The following NUP210 variants were observed in gnomAD, a reference collection of about 807,000 sequenced individuals.
The protein encoded by NUP210 is nucleoporin 210.
A neutral mutation model predicts 196.0 loss-of-function variants in NUP210; 151 were observed. The ratio of observed to expected loss-of-function variants is 0.77; its 90% CI spans 0.67 to 0.88. The LOEUF is 0.88. NUP210 is among the 40% of genes least tolerant of loss of function. The pLI is 0.00. For synonymous variants in NUP210, 1,070 were observed against 1,052.7 expected (o/e 1.02, Z -0.32); for missense variants, 2,314 against 2,493.7 (o/e 0.93, Z 1.53).
rs745356214 is a variant in NUP210, at chr3:13,321,726, G to A, written c.5025C>T (p.His1675=). 3 of 1,614,134 alleles carry A rather than the reference G, an allele frequency of 1.9e-6. No homozygotes were observed. Among genetic ancestry groups the A allele is most frequent in the Admixed American group, 3.3e-5 (2 of 60,036 alleles). Residue 1675 remains histidine, a synonymous_variant, in exon 36 of 40, where the codon CAC becomes CAT. Transcript: ENST00000254508. The part of the protein sequence containing the change: ...LVVSASLSSS[H]FSTEQVGAEV... ...CGGCCCCCACCTGCTCTGTGGAGAA[G>A]TGGCTGCTGGAGAGGGAGGCACTGA...
intron 1 of NUP210, 62 bp from the exon 2 acceptor site, chr3:13,399,923 A>G: frequency 6.5e-7 from 1 of 1,530,312 alleles, no homozygotes; most frequent in African/African-American, 1.4e-5. Flanking sequence ...AGTGGGGTCC[A>G]GACACCAGGC....
chr3:13,384,906 G>A (rs1438756759), intron 6 of NUP210, among the ~76,000 whole-genome samples: 1 of 152,142 alleles, frequency 6.6e-6, no homozygotes, highest in East Asian at 1.9e-4. Context: ...CCTGAAGTCA[G>A]GTAAACATCG....
chr3:13,344,340 C>T (rs1697637262), intron 20 of NUP210, among the ~76,000 whole-genome samples: 1 of 152,198 alleles, frequency 6.6e-6, no homozygotes, highest in African/African-American at 2.4e-5. Flanking sequence ...ATATTTCAGT[C>T]AGGTGGTCCT....
In NUP210 at chr3:13,328,640, C is replaced by A. The variant is rs116217331; in HGVS notation, c.4286+131G>T. The A allele has an allele frequency of 6.6e-4, 572 of 872,694 alleles. 4 individuals carry two copies. The African/African-American group carries it at 8.5e-3, about 13-fold the overall frequency. The allele number at this position is 872,694 out of a possible 1,614,324, so 54.1% of individuals were successfully genotyped here. A position where few individuals can be genotyped will look rare whatever the true frequency, so the allele number is the denominator to read the frequency against. Reference sequence around the variant, plus strand: ...GTGGCCCTGCATGGTGCAGCATGCCCACATCTCTTGGAAACTGAAGTAATA... The same window carrying A: ...GTGGCCCTGCATGGTGCAGCATGCCAACATCTCTTGGAAACTGAAGTAATA... On this transcript the variant is annotated intron_variant, in intron 31 of 39. Transcript: ENST00000254508.
intron 6 of NUP210, among the ~76,000 whole-genome samples, chr3:13,381,420 C>CTTTTTTTTT (rs10644995): frequency 7.4e-6 from 1 of 134,446 alleles, no homozygotes; most frequent in Non-Finnish European, 1.6e-5. Flanking sequence ...CTTTTCTTTT[C>CTTTTTTTTT]TTTTTTTTTT....
At chr3:13,335,312 C>A in intron 28 of NUP210, 142 bp downstream of exon 28, 2 of 972,162 alleles carry the variant, frequency 2.1e-6, no homozygotes, top group Non-Finnish European at 1.5e-6. Flanking sequence ...TACCCCACTG[C>A]GATGGACCAC....
rs774379855 is a variant in NUP210 at position 13,330,508 on chromosome 3, A to C, written c.4062T>G (p.Ile1354Met). 1.9e-6 allele frequency: 3 copies of C among 1,614,240 alleles called. No individual in the cohort carries two copies. The highest frequency in any genetic ancestry group is 2.5e-6 in the Non-Finnish European group (3 of 1,180,038). ...SMIGTSTIEVIAQEPFGANQT... is the reference protein window; with the variant it reads ...SMIGTSTIEVMAQEPFGANQT... The stretch of plus-strand genomic sequence containing the variant: ...GGTTGGCCCCAAAGGGCTCTTGTGC[A>C]ATCACTTCGATGGTGGATGTCCCGA... The change falls in exon 30 of 40, where the codon ATT becomes ATG. Residue 1354 changes from isoleucine (I) to methionine (M), a missense_variant. Ile to Met is a conservative substitution (Grantham distance 10). Transcript: ENST00000254508.
rs199614037 is a variant in NUP210, at chr3:13,339,845, G to T, written c.3471+9C>A. 54 of 1,607,764 alleles carry T rather than the reference G, an allele frequency of 3.4e-5. No homozygotes were observed. Among genetic ancestry groups the T allele is most frequent in the Non-Finnish European group, 4.3e-5 (50 of 1,175,986 alleles). The stretch of plus-strand genomic sequence containing the variant: ...ACAGCTGCCCAGTCTCCAATAGCAC[G>T]CCTGTTACCTGAGAGATGATGACCA... On this transcript the variant is annotated intron_variant, in intron 25 of 39. Transcript: ENST00000254508.
chr3:13,372,850 T>C (rs986222967), intron 12 of NUP210, among the ~76,000 whole-genome samples: 3 of 152,144 alleles, frequency 2.0e-5, no homozygotes, highest in Non-Finnish European at 4.4e-5. Context: ...CCTGAGGAAC[T>C]GTCCTCAGGA....
rs1697435223 is a variant in NUP210 at position 13,340,579 on chromosome 3, G to A, written c.3229-281C>T. 6.6e-6 allele frequency among the ~76,000 whole-genome samples: 1 copy of A among 152,162 alleles called. No homozygotes were observed. Among genetic ancestry groups the A allele is most frequent in the South Asian group, 2.1e-4 (1 of 4,832 alleles). Reference sequence around the variant, plus strand: ...CAAAAGCTGGGCCGTCCCCTTGGAGGGATGGCTTTTATGCAGTTGAGCCAT... The same window carrying A: ...CAAAAGCTGGGCCGTCCCCTTGGAGAGATGGCTTTTATGCAGTTGAGCCAT... On this transcript the variant is annotated intron_variant, in intron 23 of 39. Coordinates refer to ENST00000254508, the MANE Select transcript of NUP210 (RefSeq NM_024923.4). The surrounding 1 kb of genome is among the most constrained non-coding windows in gnomAD (Gnocchi z 4.0).
rs1174996693 is a variant in NUP210, at chr3:13,371,905, G to A, written c.1715C>T (p.Thr572Ile). 3 of 1,610,136 alleles carry A rather than the reference G, an allele frequency of 1.9e-6. No homozygotes were observed. The highest frequency in any genetic ancestry group is 1.7e-5 in the Admixed American group (1 of 59,594). ...GTCAAAGTGGGAGCAGTCGCTCAAG[G>A]TGACCACCTCACTGGCCCCGCCGGG... The part of the protein sequence containing the change: ...LMPGGASEVV[T>I]LSDCSHFDLA... Residue 572 changes from threonine (T) to isoleucine (I), a missense_variant, in exon 13 of 40, where the codon ACC becomes ATC. Coordinates refer to ENST00000254508, the MANE Select transcript of NUP210 (RefSeq NM_024923.4).
chr3:13,319,444 TG>T (rs760181240), intron 37 of NUP210, 119 bp from the exon 38 acceptor site: 2 of 882,630 alleles, frequency 2.3e-6, no homozygotes, highest in East Asian at 2.7e-5. Flanking sequence ...GATGTAAGGA[TG>T]GTGGTCTCAG....
At chr3:13,384,598 G>A (rs1443805238) in intron 6 of NUP210, among the ~76,000 whole-genome samples, 1 of 152,170 alleles carries the variant, frequency 6.6e-6, no homozygotes, top group Non-Finnish European at 1.5e-5. Flanking sequence ...ACTTTAAAAA[G>A]AAAAGCACTT....
rs1479298484 is a variant in NUP210, at chr3:13,352,698, C to T, written c.2629-514G>A. Among the ~76,000 whole-genome samples the T allele has an allele frequency of 2.0e-5, 3 of 152,212 alleles. No homozygotes were observed. In the South Asian group the frequency reaches 6.2e-4, roughly 32 times the overall value. On this transcript the variant is annotated intron_variant, in intron 18 of 39. Coordinates refer to ENST00000254508, the MANE Select transcript of NUP210 (RefSeq NM_024923.4). ...CCAGATCTGAGGCCCCCAGGAATCA[C>T]GTGTTTGAGCACCTCCTCAGGGCCA...
rs112213542 is a variant in NUP210 at position 13,319,219 on chromosome 3, A to G, written c.5479+11T>C. 1.2e-6 allele frequency: 2 copies of G among 1,612,534 alleles called. No individual in the cohort carries two copies. The highest frequency in any genetic ancestry group is 1.7e-6 in the Non-Finnish European group (2 of 1,179,352). ...GGGGAACAGACCCAGAGATACAGGC[A>G]GCCTCCTCACCTATGATCATGACCG... On this transcript the variant is annotated intron_variant, in intron 38 of 39. Coordinates refer to ENST00000254508, the MANE Select transcript of NUP210 (RefSeq NM_024923.4).
intron 1 of NUP210, among the ~76,000 whole-genome samples, chr3:13,419,311 GGT>G (rs1305504107): frequency 6.6e-6 from 1 of 152,146 alleles, no homozygotes; most frequent in African/African-American, 2.4e-5. Flanking sequence ...CATTTCCCCT[GGT>G]CTGCAAAATG....
intron 28 of NUP210, 119 bp downstream of exon 28, chr3:13,335,335 G>T: frequency 8.4e-7 from 1 of 1,196,174 alleles, no homozygotes; most frequent in East Asian, 2.4e-5. Flanking sequence ...TCATCCCCAC[G>T]GACTGAGAGC....
At chr3:13,419,962 C>T (rs1700476844) in intron 1 of NUP210, 98 bp downstream of exon 1, 1 of 810,164 alleles carries the variant, frequency 1.2e-6, no homozygotes, top group Non-Finnish European at 1.5e-6. Context: ...GCGCCGCGCA[C>T]CTGCCGGCTC....
chr3:13,409,532 CAT>C (rs1425638259), intron 1 of NUP210, among the ~76,000 whole-genome samples: 1 of 152,164 alleles, frequency 6.6e-6, no homozygotes, highest in African/African-American at 2.4e-5. Context: ...CAGAGTGAAA[CAT>C]ATCATGAACA....
Sources: gnomAD v4.1 joint callset for allele counts (sites outside exome capture counted in the v4.1 genomes callset) on GRCh38, gnomAD v4.1.1 for gene constraint, Gnocchi (gnomAD v3.1) non-coding constraint, MANE v1.5 for transcripts, NCBI Gene and HGNC (gene_info 2026-07-23, HGNC 2026-07-21) for gene names.